PMF1: variants seen among roughly 807,000 people sequenced by gnomAD.
The protein encoded by PMF1 is polyamine modulated factor 1, also known as polyamine-modulated factor 1.
In PMF1, 21 loss-of-function variants were observed where a neutral mutation model predicts 26.7. The observed-to-expected ratio is 0.79, with a 90% CI of 0.56 to 1.13. The LOEUF (loss-of-function observed/expected upper bound fraction) is 1.13. Among genes scored for constraint, PMF1 ranks in the 50% most tolerant of loss-of-function variants. The pLI, the probability that PMF1 is intolerant of heterozygous loss-of-function variation, is 0.00. For synonymous variants in PMF1, 105 were observed against 101.0 expected (o/e 1.04, Z -0.24); for missense variants, 266 against 254.9 (o/e 1.04, Z -0.30).
At chr1:156,224,145 ATATAAT>A (rs1658230183) in intron 1 of PMF1, among the ~76,000 whole-genome samples, 1 of 152,250 alleles carries the variant, frequency 6.6e-6, no homozygotes, top group Non-Finnish European at 1.5e-5. Context: ...TAACCTAAAG[ATATAAT>A]TAGGATTAAT....
chr1:156,224,712 C>T (rs1224958220), intron 1 of PMF1, among the ~76,000 whole-genome samples: 5 of 151,232 alleles, frequency 3.3e-5, no homozygotes, highest in African/African-American at 7.3e-5. Context: ...TGTAGTGAGC[C>T]GAGATCGCGC....
At chr1:156,217,362 G>GT (rs1197858612) in intron 1 of PMF1, among the ~76,000 whole-genome samples, 1 of 152,016 alleles carries the variant, frequency 6.6e-6, no homozygotes, top group African/African-American at 2.4e-5. Flanking sequence ...GTCTGTGTAT[G>GT]TTTTAAATTT....
At chr1:156,237,353 C>T (rs550687164) in intron 4 of PMF1, 1 of 152,302 alleles carries the variant, frequency 6.6e-6, no homozygotes, top group East Asian at 1.9e-4. Context: ...TCATCCTCCA[C>T]CCTTTCCCCC....
At chr1:156,232,474 C>T in intron 2 of PMF1, 49 bp downstream of exon 2, 4 of 1,576,204 alleles carry the variant, frequency 2.5e-6, no homozygotes, top group African/African-American at 2.7e-5. Flanking sequence ...GTTCTGTCTC[C>T]AGATTGTCAG....
At chr1:156,221,049 C>T (rs1572484723) in intron 1 of PMF1, among the ~76,000 whole-genome samples, 1 of 152,148 alleles carries the variant, frequency 6.6e-6, no homozygotes, top group Admixed American at 6.5e-5. Context: ...CCTTGGTTTC[C>T]GACGTCATTC....
At chr1:156,216,856 G>T (rs60844051) in intron 1 of PMF1, among the ~76,000 whole-genome samples, 9,101 of 151,974 alleles carry the variant, frequency 0.06, 604 homozygotes, top group African/African-American at 0.17. Flanking sequence ...CTCCGCTCCC[G>T]GGGGGCTCTA....
intron 1 of PMF1, among the ~76,000 whole-genome samples, chr1:156,214,856 C>T (rs1307844388): frequency 6.6e-6 from 1 of 150,454 alleles, no homozygotes; most frequent in African/African-American, 2.4e-5. Context: ...TGAGAAGGAA[C>T]CAGATTATTA....
intron 1 of PMF1, among the ~76,000 whole-genome samples, chr1:156,227,770 T>TA (rs1258914298): frequency 1.3e-5 from 2 of 151,852 alleles, no homozygotes; most frequent in Non-Finnish European, 2.9e-5. Context: ...AGTGCTGGGA[T>TA]AACAGGTGTG....
At chr1:156,223,363 C>T (rs1446204386) in intron 1 of PMF1, 13 of 152,126 alleles carry the variant, frequency 8.5e-5, no homozygotes, top group Non-Finnish European at 1.9e-4. Context: ...TCTAGCTCCT[C>T]CGGTCATGAT....
chr1:156,235,122 A>AT (rs35707231), intron 3 of PMF1, among the ~76,000 whole-genome samples: 107 of 147,230 alleles, frequency 7.3e-4, no homozygotes, highest in East Asian at 1.4e-3. Context: ...CTGAAAAAGA[A>AT]TTTTTTTTTT....
chr1:156,217,989 A>G (rs1423943160), intron 1 of PMF1, among the ~76,000 whole-genome samples: 1 of 152,212 alleles, frequency 6.6e-6, no homozygotes, highest in Non-Finnish European at 1.5e-5. Flanking sequence ...CCATCAGATT[A>G]CTTTCCAGAA....
At chr1:156,214,348 A>G (rs1657566266) in intron 1 of PMF1, among the ~76,000 whole-genome samples, 1 of 151,532 alleles carries the variant, frequency 6.6e-6, no homozygotes, top group Admixed American at 6.6e-5. Flanking sequence ...CTCTATCCCC[A>G]CTTCCCTGTT....
intron 1 of PMF1, among the ~76,000 whole-genome samples, chr1:156,217,896 A>G (rs1461461101): frequency 1.3e-5 from 2 of 152,230 alleles, no homozygotes; most frequent in African/African-American, 4.8e-5. Flanking sequence ...GTACATTTCC[A>G]CAGGAGCTAG....
rs990120253 is a variant in PMF1 at position 156,227,906 on chromosome 1, C to T, written c.162-4414C>T. 4.6e-5 allele frequency among the ~76,000 whole-genome samples: 7 copies of T among 151,548 alleles called. No homozygotes were observed. In the Admixed American group the frequency reaches 4.6e-4, roughly 10 times the overall value. On this transcript the variant is annotated intron_variant, in intron 1 of 4. Coordinates refer to ENST00000368277, the MANE Select transcript of PMF1 (RefSeq NM_007221.4). Reference sequence around the variant, plus strand: ...TCAGCCTCACAAAATGCTGGGATTACAGGCGTGAGCCACTGCACCTGACTA... The same window carrying T: ...TCAGCCTCACAAAATGCTGGGATTATAGGCGTGAGCCACTGCACCTGACTA...
chr1:156,228,288 T>TTA (rs1371074585), intron 1 of PMF1, among the ~76,000 whole-genome samples: 1 of 143,792 alleles, frequency 7.0e-6, no homozygotes, highest in African/African-American at 2.6e-5. Flanking sequence ...TTTTTTTTTT[T>TTA]AGTGTATCAC....
At chr1:156,237,663 T>C (rs1483831120) in intron 4 of PMF1, among the ~76,000 whole-genome samples, 1 of 151,836 alleles carries the variant, frequency 6.6e-6, no homozygotes, top group Non-Finnish European at 1.5e-5. Context: ...GCCAGGCTGG[T>C]CTCAAACTCC....
intron 4 of PMF1, 117 bp from the exon 5 acceptor site, chr1:156,239,431 C>T: frequency 1.3e-6 from 1 of 762,654 alleles, no homozygotes; most frequent in East Asian, 2.5e-5. Context: ...GACTTAGCCA[C>T]AGACTCCATC....
intron 1 of PMF1, among the ~76,000 whole-genome samples, chr1:156,216,072 G>A (rs893536497): frequency 6.6e-6 from 1 of 152,046 alleles, no homozygotes; most frequent in African/African-American, 2.4e-5. Flanking sequence ...TCTTCTTGGA[G>A]TAGACATTCT....
chr1:156,236,753 T>A, intron 4 of PMF1: 1 of 491,272 alleles, frequency 2.0e-6, no homozygotes, highest in South Asian at 3.5e-5. Flanking sequence ...AGAGGGCAGG[T>A]GAGTCACCCA....
Sources: gnomAD v4.1 joint callset for allele counts (sites outside exome capture counted in the v4.1 genomes callset) on GRCh38, gnomAD v4.1.1 for gene constraint, MANE v1.5 for transcripts, NCBI Gene and HGNC (gene_info 2026-07-23, HGNC 2026-07-21) for gene names.